DNAH14: variants seen among roughly 807,000 people sequenced by gnomAD.
The protein encoded by DNAH14 is axonemal beta dynein heavy chain 14.
In DNAH14, 478 loss-of-function variants were observed where a neutral mutation model predicts 520.9. The observed-to-expected ratio is 0.92, with a 90% confidence interval of 0.85 to 0.99. The LOEUF (loss-of-function observed/expected upper bound fraction) is 0.99, where lower values mean the gene tolerates loss of function less well. Among genes scored for constraint, DNAH14 ranks in the 50% least tolerant of loss-of-function variants. DNAH14 has a pLI of 0.00. For synonymous variants in DNAH14, 1,581 were observed against 1,757.2 expected, an observed-to-expected ratio of 0.90 and a Z score of 2.51; for missense variants, 4,831 against 5,234.5, an observed-to-expected ratio of 0.92 and a Z score of 2.38.
intron 38 of DNAH14, among the ~76,000 whole-genome samples, chr1:225,193,878 A>G (rs2085768037): frequency 6.6e-6 from 1 of 152,162 alleles, no homozygotes; most frequent in African/African-American, 2.4e-5. Flanking sequence ...AGGCACAAAA[A>G]TTAGTAGCAC....
intron 29 of DNAH14, 26 bp from the exon 30 acceptor site, chr1:225,145,300 G>A: frequency 2.6e-6 from 4 of 1,524,922 alleles, no homozygotes; most frequent in South Asian, 1.2e-5. Flanking sequence ...ATTCAAGAAA[G>A]ATACTAAAAT....
chr1:225,112,748 T>G (rs778228524), intron 23 of DNAH14, among the ~76,000 whole-genome samples: 12 of 152,074 alleles, frequency 7.9e-5, no homozygotes, highest in African/African-American at 2.7e-4. Flanking sequence ...TTCTGCTTGA[T>G]CAATTCTGCT....
intron 44 of DNAH14, among the ~76,000 whole-genome samples, chr1:225,255,841 A>G (rs1010663884): frequency 6.6e-5 from 10 of 152,218 alleles, no homozygotes; most frequent in African/African-American, 1.7e-4. Flanking sequence ...GATAGAAAAT[A>G]CCTGAAATGC....
chr1:225,167,746 T>G (rs75273709), intron 35 of DNAH14, among the ~76,000 whole-genome samples, 193 bp from the exon 36 acceptor site: 7,447 of 152,278 alleles, frequency 0.049, 283 homozygotes, highest in Non-Finnish European at 0.072. Flanking sequence ...AATTTTGTGT[T>G]CACTGTATTT....
chr1:224,967,659 A>G (rs1237507995), intron 6 of DNAH14, 76 bp downstream of exon 6: 2 of 1,597,084 alleles, frequency 1.3e-6, no homozygotes, highest in South Asian at 1.1e-5. Context: ...TTAATTGCAT[A>G]CATTTATCTT....
At chr1:225,055,833 G>C (rs926715364) in intron 17 of DNAH14, among the ~76,000 whole-genome samples, 5 of 151,990 alleles carry the variant, frequency 3.3e-5, no homozygotes, top group African/African-American at 1.2e-4. Context: ...ATGGTTTCCA[G>C]CTTCATCCAT....
intron 11 of DNAH14, among the ~76,000 whole-genome samples, chr1:225,035,612 G>A (rs189356132): frequency 6.6e-6 from 1 of 151,888 alleles, no homozygotes; most frequent in African/African-American, 2.4e-5. Context: ...ATTTCCATGT[G>A]TTTGTATAGT....
Position 224,948,820 on chromosome 1 carries a change from T to C in DNAH14, c.-33-3850T>C, listed in dbSNP as rs1418006905. Among the ~76,000 whole-genome samples the C allele has an allele frequency of 3.3e-5, 5 of 152,184 alleles. No homozygotes were observed. In the East Asian group the frequency reaches 9.6e-4, roughly 29 times the overall value. ...TTTTTCTTCCCCCAGAAAATGCAAG[T>C]ATCTTAAAACACTTTAGTTCTGGTC... is the stretch of plus-strand genomic sequence containing the variant. On this transcript the variant is annotated intron_variant, in intron 1 of 85. Coordinates refer to ENST00000682510, the MANE Select transcript of DNAH14 (RefSeq NM_001367479.1).
In DNAH14 at chr1:225,140,861, C is replaced by T. The variant is rs1210835902; in HGVS notation, c.4348C>T (p.His1450Tyr). 2.6e-6 allele frequency: 4 copies of T among 1,551,088 alleles called. No homozygotes were observed. The Admixed American group carries it at 7.8e-5, about 30-fold the overall frequency. Residue 1450 changes from histidine (H) to tyrosine (Y), a missense_variant, in exon 28 of 86, where the codon CAT (histidine) becomes TAT (tyrosine). Transcript: ENST00000682510. ...AAAAGTCCACGCTGGTCTGATGTGTCATCTAGAAGAGGTTGCAGACCTGGT... is the reference window on the plus strand; with the variant it reads ...AAAAGTCCACGCTGGTCTGATGTGTTATCTAGAAGAGGTTGCAGACCTGGT... ...LEKVHAGLMC[H>Y]LEEVADLVVL... is the part of the protein sequence containing the mutation.
chr1:225,132,565 T>G (rs1380399529), intron 27 of DNAH14, among the ~76,000 whole-genome samples: 3 of 152,246 alleles, frequency 2.0e-5, no homozygotes, highest in Non-Finnish European at 2.9e-5. Flanking sequence ...TTTTTATGGC[T>G]TTGTAGTATT....
intron 62 of DNAH14, among the ~76,000 whole-genome samples, chr1:225,323,509 T>G (rs2094593402): frequency 6.6e-6 from 1 of 152,222 alleles, no homozygotes; most frequent in African/African-American, 2.4e-5. Flanking sequence ...GGAGTCTCAC[T>G]CTGTCACCCA....
rs1022545046 is a variant in DNAH14, at chr1:225,264,130, G to T, written c.7158-67G>T. On this transcript the variant is annotated intron_variant, in intron 46 of 85. Coordinates refer to ENST00000682510, the MANE Select transcript of DNAH14 (RefSeq NM_001367479.1). ...ATTCACAATATGCTGTTACTTTTTT[G>T]TTGTTGTTTAATATACCTATTATGG... is the stretch of plus-strand genomic sequence containing the variant. 15 of 1,323,026 alleles carry T rather than the reference G, an allele frequency of 1.1e-5. No individual in the cohort carries two copies. The Admixed American group carries it at 2.2e-4, about 19-fold the overall frequency. The allele number at this position is 1,323,026 out of a possible 1,614,324, so 82.0% of individuals were successfully genotyped here.
At chr1:225,101,018 C>T (rs2075398933) in intron 23 of DNAH14, 134 bp downstream of exon 23, 1 of 644,480 alleles carries the variant, frequency 1.6e-6, no homozygotes, top group African/African-American at 1.9e-5. Flanking sequence ...TTTTTAAACT[C>T]TCACTACCTA....
chr1:225,159,255 T>C, intron 34 of DNAH14, 59 bp from the exon 35 acceptor site: 1 of 1,344,314 alleles, frequency 7.4e-7, no homozygotes, highest in Non-Finnish European at 1.0e-6. Context: ...TGGTCTTCAG[T>C]GTCTGCAGAG....
At chr1:225,230,940 A>C in intron 41 of DNAH14, 133 bp from the exon 42 acceptor site, 1 of 587,620 alleles carries the variant, frequency 1.7e-6, no homozygotes, top group Non-Finnish European at 2.9e-6. Context: ...TAATTCTCAG[A>C]TACTGTATGT....
chr1:225,011,521 CAGTG>C (rs1449023900), intron 10 of DNAH14, among the ~76,000 whole-genome samples: 1 of 152,032 alleles, frequency 6.6e-6, no homozygotes, highest in African/African-American at 2.4e-5. Context: ...GATCTGTTGA[CAGTG>C]AGGTGTTAAA....
chr1:225,041,686 T>C (rs2067493559), intron 12 of DNAH14, among the ~76,000 whole-genome samples: 1 of 152,194 alleles, frequency 6.6e-6, no homozygotes, highest in East Asian at 1.9e-4. Flanking sequence ...TTTACTATAG[T>C]GATACTCATT....
chr1:225,070,035 G>C lies in DNAH14; in HGVS notation c.2425-9172G>C, dbSNP rs375908400. Among the ~76,000 whole-genome samples, 5 of 152,220 alleles carry C rather than the reference G, an allele frequency of 3.3e-5. 1 individual carries two copies. Among genetic ancestry groups the C allele is most frequent in the Non-Finnish European group, 5.9e-5 (4 of 67,994 alleles). On this transcript the variant is annotated intron_variant, in intron 17 of 85. Coordinates refer to ENST00000682510, the MANE Select transcript of DNAH14 (RefSeq NM_001367479.1). ...TTTTCTGATAGTTGTTTGTATTTCT[G>C]TGGGGTCAGTGATAATATCTCACTT...
chr1:224,982,770 A>G (rs2062365402), intron 8 of DNAH14, among the ~76,000 whole-genome samples: 1 of 152,050 alleles, frequency 6.6e-6, no homozygotes, highest in African/African-American at 2.4e-5. Context: ...TATTTGCATG[A>G]TTTTGGAGTT....
Sources: gnomAD v4.1 joint callset for allele counts (sites outside exome capture counted in the v4.1 genomes callset) on GRCh38, gnomAD v4.1.1 for gene constraint, MANE v1.5 for transcripts, NCBI Gene and HGNC (gene_info 2026-07-23, HGNC 2026-07-21) for gene names.